Variants in LIN7A observed in about 807,000 individuals in gnomAD.
LIN7A encodes the protein protein lin-7 homolog A.
A neutral mutation model predicts 29.8 loss-of-function variants in LIN7A; 25 were observed. That is an observed-to-expected ratio of 0.84 (90% CI 0.61 to 1.17). The LOEUF (loss-of-function observed/expected upper bound fraction) is 1.17, where lower values mean the gene tolerates loss of function less well. LIN7A is among the 50% of genes most tolerant of loss of function. LIN7A has a pLI of 0.00. For synonymous variants in LIN7A, 118 were observed against 107.5 expected, an observed-to-expected ratio of 1.10 and a Z score of -0.60; for missense variants, 239 against 287.0, an observed-to-expected ratio of 0.83 and a Z score of 1.21.
chr12:80,900,042 A>G (rs887677778), intron 1 of LIN7A, among the ~76,000 whole-genome samples: 4 of 151,418 alleles, frequency 2.6e-5, no homozygotes, highest in Non-Finnish European at 5.9e-5. Flanking sequence ...TAGGTTTTCT[A>G]GTTTGTGTGC....
chr12:80,890,634 T>A (rs1038919629), intron 1 of LIN7A, among the ~76,000 whole-genome samples: 2 of 152,160 alleles, frequency 1.3e-5, no homozygotes, highest in Admixed American at 6.5e-5. Flanking sequence ...TTTGAAGTAG[T>A]CATTTTGACT....
intron 4 of LIN7A, among the ~76,000 whole-genome samples, chr12:80,827,279 C>T (rs779867756): frequency 2.0e-5 from 3 of 151,950 alleles, no homozygotes; most frequent in Non-Finnish European, 4.4e-5. Context: ...CCCAGCTACT[C>T]GGGAGGCTGA....
intron 2 of LIN7A, among the ~76,000 whole-genome samples, chr12:80,873,863 T>G (rs1381594201): frequency 6.6e-6 from 1 of 151,738 alleles, no homozygotes; most frequent in Admixed American, 6.6e-5. Flanking sequence ...TTGCTTTTTT[T>G]TTTTTTTCAC....
chr12:80,933,364 G>A (rs1331143371), intron 1 of LIN7A, among the ~76,000 whole-genome samples: 4 of 152,100 alleles, frequency 2.6e-5, no homozygotes, highest in Non-Finnish European at 1.5e-5. Context: ...GATAAGTTGT[G>A]ACTGTGGACC....
intron 1 of LIN7A, among the ~76,000 whole-genome samples, chr12:80,902,354 T>G (rs546208104): frequency 6.6e-6 from 1 of 152,254 alleles, no homozygotes; most frequent in African/African-American, 2.4e-5. Context: ...GGGCTCTTTT[T>G]TGGTTCCATT....
chr12:80,894,318 A>G (rs1236005654), intron 1 of LIN7A, among the ~76,000 whole-genome samples: 2 of 152,144 alleles, frequency 1.3e-5, no homozygotes, highest in African/African-American at 4.8e-5. Flanking sequence ...GCTGCCAGGT[A>G]AGCACAAGGA....
At chr12:80,864,756 C>G (rs763601969) in intron 2 of LIN7A, among the ~76,000 whole-genome samples, 3 of 152,192 alleles carry the variant, frequency 2.0e-5, no homozygotes, top group Non-Finnish European at 4.4e-5. Context: ...AAGACATTTT[C>G]TCTCTAAAAG....
At chr12:80,902,550 G>T (rs1224994158) in intron 1 of LIN7A, among the ~76,000 whole-genome samples, 3 of 152,178 alleles carry the variant, frequency 2.0e-5, no homozygotes, top group East Asian at 1.9e-4. Context: ...GCAGTGGTTT[G>T]TAGTTCTCCT....
chr12:80,937,806 G>A lies in LIN7A; in HGVS notation c.-84C>T, dbSNP rs1318378953. ...AGACGGAAAGGAGGGGGAGGAGGGG[G>A]AAGGAAGGAAGGTGGTGGTGGTGGA... On this transcript the variant is annotated 5_prime_UTR_variant, in exon 1 of 6. Coordinates refer to ENST00000552864, the MANE Select transcript of LIN7A (RefSeq NM_004664.4). 1.6e-5 allele frequency: 5 copies of A among 306,824 alleles called. No individual in the cohort carries two copies. The highest frequency in any genetic ancestry group is 1.9e-5 in the Non-Finnish European group (3 of 157,542). The allele number at this position is 306,824 out of a possible 1,614,324, so 19.0% of individuals were successfully genotyped here.
intron 1 of LIN7A, among the ~76,000 whole-genome samples, chr12:80,934,123 GC>G (rs1878074436): frequency 1.3e-5 from 2 of 152,066 alleles, no homozygotes; most frequent in African/African-American, 2.4e-5. Context: ...CCAGCATCTT[GC>G]ATATAGAAGG....
chr12:80,906,194 A>T (rs561781682), intron 1 of LIN7A, among the ~76,000 whole-genome samples: 35 of 152,312 alleles, frequency 2.3e-4, no homozygotes, highest in African/African-American at 7.0e-4. Flanking sequence ...CTGCAAGGAA[A>T]AATGAAGAGC....
intron 2 of LIN7A, among the ~76,000 whole-genome samples, chr12:80,884,032 C>G (rs1353950416): frequency 6.6e-6 from 1 of 152,058 alleles, no homozygotes; most frequent in East Asian, 1.9e-4. Flanking sequence ...AAAAAAATCT[C>G]TTTATAAAGA....
intron 2 of LIN7A, among the ~76,000 whole-genome samples, chr12:80,864,872 T>C (rs985923815): frequency 6.6e-6 from 1 of 152,174 alleles, no homozygotes; most frequent in South Asian, 2.1e-4. Context: ...TCCATCACCT[T>C]CAAATTAAAT....
intron 1 of LIN7A, among the ~76,000 whole-genome samples, chr12:80,908,341 G>T (rs1433038835): frequency 6.6e-6 from 1 of 151,910 alleles, no homozygotes; most frequent in African/African-American, 2.4e-5. Flanking sequence ...ATGTTAAATG[G>T]TTATGAAATT....
intron 5 of LIN7A, among the ~76,000 whole-genome samples, chr12:80,807,961 C>T (rs932746871): frequency 6.6e-6 from 1 of 152,198 alleles, no homozygotes; most frequent in Non-Finnish European, 1.5e-5. Context: ...CCATGTCTCT[C>T]CTGTGCTTAA....
intron 4 of LIN7A, among the ~76,000 whole-genome samples, chr12:80,821,104 T>C (rs184674551): frequency 6.6e-6 from 1 of 152,248 alleles, no homozygotes; most frequent in Admixed American, 6.5e-5. Flanking sequence ...TGCAAATACA[T>C]CTTAGCCACT....
At chr12:80,843,701 C>T (rs1019621935) in intron 4 of LIN7A, among the ~76,000 whole-genome samples, 1 of 152,002 alleles carries the variant, frequency 6.6e-6, no homozygotes, top group Admixed American at 6.6e-5. Flanking sequence ...TCATCAGAGC[C>T]CTTCAAATTA....
rs1250597113 is a variant in LIN7A at position 80,796,321 on chromosome 12, G to A, written c.*1406C>T. On this transcript the variant is annotated 3_prime_UTR_variant, in exon 6 of 6. Transcript: ENST00000552864. The stretch of plus-strand genomic sequence containing the variant: ...ATTCTTTTCTTAGGTTCATTTATGT[G>A]CTTAAGGTATTCAAATGCCCAAACA... 1 of 152,082 alleles carries A rather than the reference G, an allele frequency of 6.6e-6. No individual in the cohort carries two copies. The highest frequency in any genetic ancestry group is 1.5e-5 in the Non-Finnish European group (1 of 68,000). 9.4% of individuals were successfully genotyped at this position (152,082 alleles called of 1,614,324 possible).
chr12:80,860,239 A>G (rs1179476256), intron 2 of LIN7A, among the ~76,000 whole-genome samples: 2 of 152,218 alleles, frequency 1.3e-5, no homozygotes, highest in Admixed American at 6.5e-5. Flanking sequence ...AGTGTGTGCC[A>G]ATAATAATTA....
Sources: gnomAD v4.1 joint callset for allele counts (sites outside exome capture counted in the v4.1 genomes callset) on GRCh38, gnomAD v4.1.1 for gene constraint, MANE v1.5 for transcripts, NCBI Gene and HGNC (gene_info 2026-07-23, HGNC 2026-07-21) for gene names.